ASIC2: variants seen among roughly 807,000 people sequenced by gnomAD.
The protein encoded by ASIC2 is acid sensing ion channel subunit 2.
ASIC2 carries 25 observed loss-of-function variants against 57.3 expected under a neutral mutation model. That is an observed-to-expected ratio of 0.44 (90% confidence interval 0.32 to 0.61). ASIC2 has a LOEUF of 0.61. Ranked by LOEUF, ASIC2 falls within the 20% of genes least tolerant of loss-of-function variation. The pLI, the probability that ASIC2 is intolerant of heterozygous loss-of-function variation, is 0.06. For missense variants in ASIC2, 641 were observed against 738.1 expected, an observed-to-expected ratio of 0.87 and a Z score of 1.52; for synonymous variants, 319 against 307.5, an observed-to-expected ratio of 1.04 and a Z score of -0.39.
At chr17:33,601,578 A>G (rs1444755615) in intron 1 of ASIC2, among the ~76,000 whole-genome samples, 2 of 152,194 alleles carry the variant, frequency 1.3e-5, no homozygotes, top group African/African-American at 2.4e-5. Context: ...TTAGATTTCA[A>G]ATAATGTATT....
intron 1 of ASIC2, chr17:34,039,644 C>T (rs1201749612): frequency 1.2e-6 from 2 of 1,613,332 alleles, no homozygotes; most frequent in Non-Finnish European, 1.7e-6. Context: ...CTAGGAGTGC[C>T]TTTCCCTTGG....
chr17:33,955,764 C>T (rs754377025), intron 1 of ASIC2, among the ~76,000 whole-genome samples: 6 of 152,180 alleles, frequency 3.9e-5, no homozygotes, highest in African/African-American at 9.7e-5. Context: ...CCTCCTCCAA[C>T]GTCCTGCATT....
chr17:33,241,895 A>T (rs1436217057), intron 1 of ASIC2, among the ~76,000 whole-genome samples: 1 of 152,246 alleles, frequency 6.6e-6, no homozygotes, highest in East Asian at 1.9e-4. Flanking sequence ...GCCAGCAGGC[A>T]ATCGTGGAGG....
At chr17:34,044,054 T>C (rs1037519561) in intron 1 of ASIC2, among the ~76,000 whole-genome samples, 10 of 152,128 alleles carry the variant, frequency 6.6e-5, no homozygotes, top group African/African-American at 2.4e-4. Flanking sequence ...TTTGTTTTTA[T>C]GGATAAAACA....
chr17:33,108,628 C>T (rs993886752), intron 2 of ASIC2, among the ~76,000 whole-genome samples: 2 of 152,218 alleles, frequency 1.3e-5, no homozygotes, highest in Non-Finnish European at 2.9e-5. Context: ...ACTCACCTCC[C>T]ACTGGCCTAG....
intron 1 of ASIC2, among the ~76,000 whole-genome samples, chr17:33,992,251 G>A (rs1009084848): frequency 6.6e-6 from 1 of 152,180 alleles, no homozygotes; most frequent in African/African-American, 2.4e-5. Flanking sequence ...CTTTTGGGCA[G>A]AATTATATCT....
At chr17:33,114,060 C>T (rs1480712098) in intron 1 of ASIC2, among the ~76,000 whole-genome samples, 1 of 152,172 alleles carries the variant, frequency 6.6e-6, no homozygotes, top group Non-Finnish European at 1.5e-5. Context: ...CTACTGCTCG[C>T]CTTGAAGACC....
chr17:33,132,386 T>A (rs1047018575), intron 1 of ASIC2, among the ~76,000 whole-genome samples: 2 of 152,158 alleles, frequency 1.3e-5, no homozygotes, highest in Admixed American at 1.3e-4. Flanking sequence ...GTGTTTAGAA[T>A]GGCAGTGAGT....
At chr17:33,851,367 T>A (rs2701471) in intron 1 of ASIC2, among the ~76,000 whole-genome samples, 46,638 of 151,242 alleles carry the variant, frequency 0.31, 7,520 homozygotes, top group East Asian at 0.49. Context: ...GATGGGGGAG[T>A]AGCCGAGGGG....
chr17:33,093,058 C>T (rs746654346), intron 2 of ASIC2, among the ~76,000 whole-genome samples: 6 of 152,134 alleles, frequency 3.9e-5, no homozygotes, highest in Non-Finnish European at 7.3e-5. Flanking sequence ...AACAACAACA[C>T]GGCAACAATA....
chr17:33,349,126 C>T (rs981406666), intron 1 of ASIC2, among the ~76,000 whole-genome samples: 4 of 152,288 alleles, frequency 2.6e-5, no homozygotes, highest in African/African-American at 4.8e-5. Context: ...CTGAAAGGAG[C>T]GGCTGCTTCT....
chr17:33,255,534 G>A (rs1182380062), intron 1 of ASIC2, among the ~76,000 whole-genome samples: 4 of 150,344 alleles, frequency 2.7e-5, no homozygotes, highest in African/African-American at 9.8e-5. Context: ...CAAGGAGTAT[G>A]CTGTGGAAAT....
intron 1 of ASIC2, among the ~76,000 whole-genome samples, chr17:33,416,814 G>T (rs7208776): frequency 6.6e-6 from 1 of 152,048 alleles, no homozygotes; most frequent in African/African-American, 2.4e-5. Context: ...AATAGGTGGC[G>T]CTGCCAAGAG....
intron 1 of ASIC2, among the ~76,000 whole-genome samples, chr17:34,153,962 G>A (rs1904621279): frequency 6.6e-6 from 1 of 152,190 alleles, no homozygotes; most frequent in African/African-American, 2.4e-5. Flanking sequence ...GATGGTCCAA[G>A]TATAAAACAA....
In ASIC2 at chr17:33,062,649, G is replaced by T. The variant is rs190426124; in HGVS notation, c.987+26214C>A. ...AGAATGTATATTCTGTTGATTTGGG[G>T]TGGAGAGTTCTGTAGATGTCTATTA... On this transcript the variant is annotated intron_variant, in intron 3 of 9. Coordinates refer to ENST00000225823, the MANE Select transcript of ASIC2 (RefSeq NM_183377.2). Among the ~76,000 whole-genome samples, 406 of 152,324 alleles carry T rather than the reference G, an allele frequency of 2.7e-3. 3 individuals are homozygous for T. The highest frequency in any genetic ancestry group is 9.4e-3 in the African/African-American group (389 of 41,576).
At chr17:33,408,436 A>C (rs1253935091) in intron 1 of ASIC2, among the ~76,000 whole-genome samples, 1 of 152,212 alleles carries the variant, frequency 6.6e-6, no homozygotes, top group East Asian at 1.9e-4. Context: ...GTGGGTGTGA[A>C]TATGTATCCG....
chr17:33,860,768 A>C (rs1914081250), intron 1 of ASIC2, among the ~76,000 whole-genome samples: 1 of 152,252 alleles, frequency 6.6e-6, no homozygotes, highest in Non-Finnish European at 1.5e-5. Context: ...AAAGTTAAAT[A>C]GTCTATCAGT....
intron 1 of ASIC2, among the ~76,000 whole-genome samples, chr17:33,380,265 A>AAAAAG (rs1909437820): frequency 7.7e-6 from 1 of 130,208 alleles, no homozygotes; most frequent in African/African-American, 3.5e-5. Context: ...AAAAAAAAAA[A>AAAAAG]AAAGAAAGAA....
chr17:33,313,185 G>C (rs1906504353), intron 1 of ASIC2, among the ~76,000 whole-genome samples: 1 of 151,970 alleles, frequency 6.6e-6, no homozygotes, highest in Admixed American at 6.6e-5. Context: ...AATTAGCCAG[G>C]CATAGTGGTG....
Sources: gnomAD v4.1 joint callset for allele counts (sites outside exome capture counted in the v4.1 genomes callset) on GRCh38, gnomAD v4.1.1 for gene constraint, MANE v1.5 for transcripts, NCBI Gene and HGNC (gene_info 2026-07-23, HGNC 2026-07-21) for gene names.